The following MAP6 variants were observed in gnomAD, a reference collection of about 807,000 sequenced individuals.
The protein encoded by MAP6 is microtubule-associated protein 6.
MAP6 carries 26 observed loss-of-function variants against 42.4 expected under a neutral mutation model. The ratio of observed to expected loss-of-function variants is 0.61; its 90% CI spans 0.45 to 0.85. The LOEUF (loss-of-function observed/expected upper bound fraction) is 0.85. Among genes scored for constraint, MAP6 ranks in the 40% least tolerant of loss-of-function variants. The pLI, the probability that MAP6 is intolerant of heterozygous loss-of-function variation, is 0.00. For synonymous variants in MAP6, 418 were observed against 443.8 expected (o/e 0.94, Z 0.73); for missense variants, 966 against 1,099.0 (o/e 0.88, Z 1.71).
rs1244384232 is a variant in MAP6, at chr11:75,587,892, G to A, written c.1609C>T (p.Pro537Ser). The A allele has an allele frequency of 6.2e-7, 1 of 1,613,980 alleles. No homozygotes were observed. Among genetic ancestry groups the A allele is most frequent in the Non-Finnish European group, 8.5e-7 (1 of 1,180,030 alleles). The change falls in exon 4 of 4, where the codon CCA (proline) becomes TCA (serine). Residue 537 changes from proline to serine, a missense_variant. Transcript: ENST00000304771. ...KDQGPSVPVP[P>S]KNQSPMVPAK... ...GGAACCATAGGACTTTGATTCTTTG[G>A]AGGAACTGGGACCGAGGGACCTTGG...
chr11:75,632,779 CCAGT>C (rs915999454), intron 1 of MAP6, among the ~76,000 whole-genome samples: 1 of 152,064 alleles, frequency 6.6e-6, no homozygotes, highest in African/African-American at 2.4e-5. Context: ...AGCCAGCCAG[CCAGT>C]AATTCATAGA....
chr11:75,601,721 C>CA (rs1393251013), intron 3 of MAP6, among the ~76,000 whole-genome samples: 1 of 149,584 alleles, frequency 6.7e-6, no homozygotes, highest in Non-Finnish European at 1.5e-5. Context: ...CACTCACGTG[C>CA]ACCAGGCCTC....
chr11:75,617,791 G>A (rs895709826), intron 1 of MAP6, among the ~76,000 whole-genome samples: 14 of 152,050 alleles, frequency 9.2e-5, no homozygotes, highest in East Asian at 3.9e-4. Context: ...CCATTTCCCC[G>A]TCACTGTCAG....
rs923429258 is a variant in MAP6 at position 75,668,190 on chromosome 11, G to A, written c.180C>T (p.Pro60=). The A allele has an allele frequency of 1.3e-4, 158 of 1,245,544 alleles. 1 individual carries two copies. In the African/African-American group the frequency reaches 1.9e-3, roughly 15 times the overall value. The allele number at this position is 1,245,544 out of a possible 1,614,324, so 77.2% of individuals were successfully genotyped here. Residue 60 remains proline (P), a synonymous_variant, in exon 1 of 4, where the codon CCC becomes CCT. Transcript: ENST00000304771. The stretch of plus-strand genomic sequence containing the variant: ...TCTCTATGGCAACCGCGCGCGCCGA[G>A]GGGGGCGCGAGCGCCGGCTGCGCCT... ...QQQAQPALAP[P]SARAVAIETQ...
intron 1 of MAP6, among the ~76,000 whole-genome samples, chr11:75,650,608 C>A (rs745783595): frequency 4.6e-4 from 70 of 152,062 alleles, no homozygotes; most frequent in Non-Finnish European, 8.4e-4. Flanking sequence ...TCCATGCTCA[C>A]CTCTGAGTAT....
At chr11:75,603,197 A>G (rs1942697319) in intron 3 of MAP6, 1 of 985,546 alleles carries the variant, frequency 1.0e-6, no homozygotes. Context: ...CTGCTTTTGC[A>G]GGCAGGGAAA....
Position 75,658,894 on chromosome 11 carries a change from T to C in MAP6, c.905+8571A>G, listed in dbSNP as rs541262932. Reference sequence around the variant, plus strand: ...CTGAATTTTCCCAACAACCCTCAAATCAGGCAGACTTAACCCCTCTCTTCT... The same window carrying C: ...CTGAATTTTCCCAACAACCCTCAAACCAGGCAGACTTAACCCCTCTCTTCT... On this transcript the variant is annotated intron_variant, in intron 1 of 3. Transcript: ENST00000304771. 3.0e-4 allele frequency among the ~76,000 whole-genome samples: 45 copies of C among 152,278 alleles called. No homozygotes were observed. The South Asian group carries it at 8.7e-3, about 29-fold the overall frequency.
intron 1 of MAP6, among the ~76,000 whole-genome samples, chr11:75,622,989 G>A (rs1943134632): frequency 6.6e-6 from 1 of 152,038 alleles, no homozygotes; most frequent in Admixed American, 6.5e-5. Flanking sequence ...GGACAAATAA[G>A]GCCCTTTTTT....
chr11:75,640,011 T>C (rs1943435507), intron 1 of MAP6, among the ~76,000 whole-genome samples: 1 of 152,110 alleles, frequency 6.6e-6, no homozygotes, highest in Admixed American at 6.5e-5. Context: ...CTCTCCCCTC[T>C]GGCTGGCGGC....
intron 3 of MAP6, among the ~76,000 whole-genome samples, chr11:75,601,301 T>A (rs1293067521): frequency 6.6e-6 from 1 of 152,220 alleles, no homozygotes; most frequent in Non-Finnish European, 1.5e-5. Context: ...TTCTCGCCTG[T>A]CTTTCTTACC....
chr11:75,612,427 A>C (rs1942914405), intron 1 of MAP6, among the ~76,000 whole-genome samples: 1 of 152,218 alleles, frequency 6.6e-6, no homozygotes, highest in Non-Finnish European at 1.5e-5. Context: ...ATCAGAGGGC[A>C]AGAGGGAAAG....
At chr11:75,623,035 T>C (rs1425221848) in intron 1 of MAP6, among the ~76,000 whole-genome samples, 1 of 152,162 alleles carries the variant, frequency 6.6e-6, no homozygotes, top group Non-Finnish European at 1.5e-5. Flanking sequence ...TAAACATTTA[T>C]CATCATACCA....
In MAP6 at chr11:75,605,298, T is replaced by C; in HGVS notation, c.1316+510A>G. 3 of 986,130 alleles carry C rather than the reference T, an allele frequency of 3.0e-6. No homozygotes were observed. The South Asian group carries it at 1.4e-4, about 46-fold the overall frequency. 61.1% of individuals were successfully genotyped at this position (986,130 alleles called of 1,614,324 possible). A position where few individuals can be genotyped will look rare whatever the true frequency, so the allele number is the denominator to read the frequency against. ...CATTAAGGCCAAGGTTGTTTCTTTT[T>C]TTGTTATTTTTGTTTAATATTTCTT... On this transcript the variant is annotated intron_variant, in intron 3 of 3. Coordinates refer to ENST00000304771, the MANE Select transcript of MAP6 (RefSeq NM_033063.2).
chr11:75,603,772 T>C (rs1429236774), intron 3 of MAP6: 5 of 984,590 alleles, frequency 5.1e-6, no homozygotes, highest in African/African-American at 1.7e-5. Context: ...CACGGGCTTC[T>C]AGCAAGGGAA....
chr11:75,665,909 A>G (rs966962103), intron 1 of MAP6, among the ~76,000 whole-genome samples: 8 of 152,160 alleles, frequency 5.3e-5, no homozygotes, highest in African/African-American at 1.9e-4. Context: ...GGAATTCAGG[A>G]AGATGAGAAA....
intron 3 of MAP6, chr11:75,603,737 A>C: frequency 1.0e-6 from 1 of 985,180 alleles, no homozygotes; most frequent in Non-Finnish European, 1.2e-6. Flanking sequence ...TATACTGCCC[A>C]CCACGCCTAG....
In MAP6 at chr11:75,587,748, C is replaced by T. The variant is rs545778; in HGVS notation, c.1753G>A (p.Gly585Ser). ...PMVPAPVKDE[G>S]PMVSASVKDQ... ...TTGACAGATGCTGAGACCATGGGACCTTCATCCTTGACAGGTGCTGGGACC... is the reference window on the plus strand; with the variant it reads ...TTGACAGATGCTGAGACCATGGGACTTTCATCCTTGACAGGTGCTGGGACC... The change falls in exon 4 of 4, where the codon GGT becomes AGT. Residue 585 changes from glycine to serine, a missense_variant. Gly to Ser is a moderately conservative substitution (Grantham distance 56). Coordinates refer to ENST00000304771, the MANE Select transcript of MAP6 (RefSeq NM_033063.2). The T allele has an allele frequency of 6.2e-7, 1 of 1,609,120 alleles. No individual in the cohort carries two copies. Among genetic ancestry groups the T allele is most frequent in the South Asian group, 1.1e-5 (1 of 90,748 alleles).
At chr11:75,598,683 AC>A (rs1460997224) in intron 3 of MAP6, among the ~76,000 whole-genome samples, 7 of 152,144 alleles carry the variant, frequency 4.6e-5, no homozygotes, top group African/African-American at 1.7e-4. Flanking sequence ...TCATTCATTC[AC>A]TCACTCATTT....
chr11:75,615,499 C>T (rs113801071), intron 1 of MAP6, among the ~76,000 whole-genome samples: 7 of 152,214 alleles, frequency 4.6e-5, no homozygotes, highest in South Asian at 2.1e-4. Context: ...GCTCCAGACA[C>T]GGAGCTAGAA....
Sources: allele counts gnomAD v4.1 joint callset (sites outside exome capture counted in the v4.1 genomes callset), GRCh38; gene constraint gnomAD v4.1.1; transcripts MANE v1.5; gene names NCBI Gene and HGNC (gene_info 2026-07-23, HGNC 2026-07-21).